Variants in PTPRD observed in about 807,000 individuals in gnomAD.
PTPRD encodes the protein protein tyrosine phosphatase receptor type D.
PTPRD carries 34 observed loss-of-function variants against 214.5 expected under a neutral mutation model. The observed-to-expected ratio is 0.16, with a 90% CI of 0.12 to 0.21. The LOEUF is 0.21. Ranked by LOEUF, PTPRD falls within the 10% of genes least tolerant of loss-of-function variation. PTPRD has a pLI of 1.00. For missense variants in PTPRD, 2,545 were observed against 2,398.7 expected (o/e 1.06, Z -1.27); for synonymous variants, 1,128 against 845.7 (o/e 1.33, Z -5.79).
chr9:10,263,492 G>T lies in PTPRD; in HGVS notation c.-545+77471C>A, dbSNP rs1387724360. On this transcript the variant is annotated intron_variant, in intron 3 of 45. Coordinates refer to ENST00000381196, the MANE Select transcript of PTPRD (RefSeq NM_002839.4). ...GAGATGAGGAACTTGTTGGGAACTG[G>T]AGTAAAGGTCACTCTTGCTAGGCAA... Among the ~76,000 whole-genome samples the T allele has an allele frequency of 5.9e-5, 9 of 152,110 alleles. No homozygotes were observed. The South Asian group carries it at 1.5e-3, about 25-fold the overall frequency.
intron 4 of PTPRD, among the ~76,000 whole-genome samples, chr9:9,992,253 C>G (rs978363491): frequency 6.6e-6 from 1 of 152,028 alleles, no homozygotes; most frequent in African/African-American, 2.4e-5. Flanking sequence ...TAAATTATAT[C>G]TCAATAAAGC....
intron 2 of PTPRD, among the ~76,000 whole-genome samples, chr9:10,438,237 T>A (rs572540751): frequency 6.6e-6 from 1 of 151,534 alleles, no homozygotes; most frequent in Non-Finnish European, 1.5e-5. Context: ...TCTCCAACTT[T>A]ATGGTCTAAT....
chr9:9,117,207 C>T (rs1351879522), intron 10 of PTPRD, among the ~76,000 whole-genome samples: 1 of 150,690 alleles, frequency 6.6e-6, no homozygotes, highest in Non-Finnish European at 1.5e-5. Flanking sequence ...CAGCAGAGAG[C>T]TCAGGAAATT....
At chr9:8,338,617 G>A (rs1168231408) in intron 43 of PTPRD, among the ~76,000 whole-genome samples, 2 of 152,086 alleles carry the variant, frequency 1.3e-5, no homozygotes, top group African/African-American at 2.4e-5. Flanking sequence ...GAAGGTGAAT[G>A]TAAGCACAGC....
intron 2 of PTPRD, among the ~76,000 whole-genome samples, chr9:10,556,326 A>G (rs1359737359): frequency 6.6e-6 from 1 of 151,780 alleles, no homozygotes; most frequent in Non-Finnish European, 1.5e-5. Flanking sequence ...AGAGTGGTAA[A>G]TATTTAGGAA....
chr9:10,486,713 G>C (rs1371483057), intron 2 of PTPRD, among the ~76,000 whole-genome samples: 2 of 152,158 alleles, frequency 1.3e-5, no homozygotes, highest in African/African-American at 4.8e-5. Flanking sequence ...GGACATTTTT[G>C]TGACATAACA....
chr9:10,305,058 T>C (rs1382707794), intron 3 of PTPRD, among the ~76,000 whole-genome samples: 1 of 151,976 alleles, frequency 6.6e-6, no homozygotes. Context: ...AAAACAGATA[T>C]ATACACCCAT....
chr9:8,915,549 A>G (rs923679330), intron 11 of PTPRD, among the ~76,000 whole-genome samples: 9 of 152,212 alleles, frequency 5.9e-5, no homozygotes, highest in Non-Finnish European at 1.2e-4. Flanking sequence ...ACACACACAC[A>G]CATATATGTG....
At chr9:8,949,564 A>C (rs1170105255) in intron 11 of PTPRD, among the ~76,000 whole-genome samples, 2 of 152,158 alleles carry the variant, frequency 1.3e-5, no homozygotes, top group Non-Finnish European at 2.9e-5. Flanking sequence ...ATCAGATTAC[A>C]AAAGCAAAAC....
intron 8 of PTPRD, among the ~76,000 whole-genome samples, chr9:9,561,863 G>A (rs1021920796): frequency 6.6e-6 from 1 of 152,004 alleles, no homozygotes; most frequent in African/African-American, 2.4e-5. Context: ...TGTTGGAATG[G>A]CCCATGGCTC....
At chr9:8,354,368 G>T (rs1413844831) in intron 39 of PTPRD, among the ~76,000 whole-genome samples, 1 of 152,012 alleles carries the variant, frequency 6.6e-6, no homozygotes, top group East Asian at 1.9e-4. Context: ...GACTGGTAAT[G>T]GTTGTCCTAC....
chr9:9,761,826 T>A (rs1055331967), intron 6 of PTPRD, among the ~76,000 whole-genome samples: 8 of 152,320 alleles, frequency 5.3e-5, no homozygotes, highest in Admixed American at 3.9e-4. Flanking sequence ...TTAGTCCCAA[T>A]TGCCTACATC....
chr9:10,556,454 A>G (rs2062619044), intron 2 of PTPRD, among the ~76,000 whole-genome samples: 2 of 152,132 alleles, frequency 1.3e-5, no homozygotes, highest in Admixed American at 6.5e-5. Context: ...TATAGGGCAC[A>G]TATATTACTA....
chr9:10,584,406 A>T (rs565893713), intron 2 of PTPRD, among the ~76,000 whole-genome samples: 18 of 152,282 alleles, frequency 1.2e-4, no homozygotes, highest in African/African-American at 4.3e-4. Flanking sequence ...AATACAAAAA[A>T]GAATTTGCAG....
chr9:8,720,065 C>T (rs2098475852), intron 12 of PTPRD, among the ~76,000 whole-genome samples: 1 of 152,200 alleles, frequency 6.6e-6, no homozygotes, highest in Admixed American at 6.5e-5. Context: ...TTTCTTTGCA[C>T]ATGATTCTTC....
intron 2 of PTPRD, among the ~76,000 whole-genome samples, chr9:10,478,297 C>T (rs1028186609): frequency 2.6e-5 from 4 of 152,158 alleles, no homozygotes; most frequent in South Asian, 2.1e-4. Context: ...TTACATATTA[C>T]CCACATGTTG....
chr9:10,455,267 GT>G (rs1288694720), intron 2 of PTPRD, among the ~76,000 whole-genome samples: 4 of 151,528 alleles, frequency 2.6e-5, no homozygotes, highest in Non-Finnish European at 5.9e-5. Context: ...AATTCCCATT[GT>G]TCTGCTTTTA....
At chr9:8,756,762 GA>G (rs2154472041) in intron 11 of PTPRD, among the ~76,000 whole-genome samples, 1 of 151,778 alleles carries the variant, frequency 6.6e-6, no homozygotes, top group Admixed American at 6.6e-5. Context: ...TATTAATAGG[GA>G]AAAAATAATT....
At chr9:9,412,493 G>C (rs550443849) in intron 8 of PTPRD, among the ~76,000 whole-genome samples, 59 of 152,082 alleles carry the variant, frequency 3.9e-4, no homozygotes, top group Non-Finnish European at 7.5e-4. Context: ...TATAATCTCA[G>C]TCTGTTCTCT....
Sources: gnomAD v4.1 joint callset for allele counts (sites outside exome capture counted in the v4.1 genomes callset) on GRCh38, gnomAD v4.1.1 for gene constraint, MANE v1.5 for transcripts, NCBI Gene and HGNC (gene_info 2026-07-23, HGNC 2026-07-21) for gene names.